Variants in PRDM5 observed in about 807,000 individuals in gnomAD.
PRDM5 encodes PR domain zinc finger protein 5.
Under a neutral mutation model 81.2 loss-of-function variants are expected in PRDM5, and 56 were observed. The ratio of observed to expected loss-of-function variants is 0.69; its 90% CI spans 0.56 to 0.86. PRDM5 has a LOEUF of 0.86. Ranked by LOEUF, PRDM5 falls within the 40% of genes least tolerant of loss-of-function variation. PRDM5 has a pLI of 0.00. For synonymous variants in PRDM5, 267 were observed against 256.4 expected (o/e 1.04, Z -0.39); for missense variants, 697 against 770.1 (o/e 0.91, Z 1.12).
chr4:120,808,388 T>C (rs1017468134), intron 8 of PRDM5, among the ~76,000 whole-genome samples: 2 of 152,122 alleles, frequency 1.3e-5, no homozygotes, highest in South Asian at 2.1e-4. Flanking sequence ...AGAGTGTTGA[T>C]TGGTGCATTC....
intron 15 of PRDM5, among the ~76,000 whole-genome samples, chr4:120,698,910 T>C (rs949686958): frequency 6.6e-6 from 1 of 152,040 alleles, no homozygotes; most frequent in Non-Finnish European, 1.5e-5. Flanking sequence ...AGTGCTTCTC[T>C]TTCACTAAGA....
At chr4:120,899,149 T>A (rs1764972796) in intron 2 of PRDM5, among the ~76,000 whole-genome samples, 1 of 152,138 alleles carries the variant, frequency 6.6e-6, no homozygotes, top group African/African-American at 2.4e-5. Context: ...ACTGAGACCC[T>A]GATAGTCATT....
chr4:120,859,275 A>G (rs1054413332), intron 2 of PRDM5, among the ~76,000 whole-genome samples: 1 of 151,376 alleles, frequency 6.6e-6, no homozygotes, highest in South Asian at 2.1e-4. Context: ...GCACAGCACC[A>G]TCATGGCTCA....
intron 12 of PRDM5, among the ~76,000 whole-genome samples, chr4:120,777,685 G>T (rs1187027900): frequency 6.6e-6 from 1 of 152,098 alleles, no homozygotes; most frequent in African/African-American, 2.4e-5. Flanking sequence ...CTTGAGGACA[G>T]AATTAATCTT....
At chr4:120,825,569 G>C (rs1755858425) in intron 3 of PRDM5, among the ~76,000 whole-genome samples, 1 of 152,016 alleles carries the variant, frequency 6.6e-6, no homozygotes, top group African/African-American at 2.4e-5. Context: ...ACTTCCCACT[G>C]CCTCCACTAC....
At chr4:120,882,898 A>C (rs1443716646) in intron 2 of PRDM5, among the ~76,000 whole-genome samples, 1 of 152,260 alleles carries the variant, frequency 6.6e-6, no homozygotes, top group Non-Finnish European at 1.5e-5. Context: ...GTAAACTAAA[A>C]TGTAGTCCTA....
intron 14 of PRDM5, among the ~76,000 whole-genome samples, chr4:120,745,354 C>T (rs1011609802): frequency 1.7e-5 from 2 of 118,134 alleles, no homozygotes; most frequent in Non-Finnish European, 3.4e-5. Context: ...TGGAAGCATT[C>T]CCTTTGAAAA....
Position 120,760,092 on chromosome 4 carries a change from C to T in PRDM5, c.1538-5454G>A, listed in dbSNP as rs1005106730. Among the ~76,000 whole-genome samples, 4 of 152,210 alleles carry T rather than the reference C, an allele frequency of 2.6e-5. No homozygotes were observed. In the East Asian group the frequency reaches 5.8e-4, roughly 22 times the overall value. On this transcript the variant is annotated intron_variant, in intron 13 of 15. Coordinates refer to ENST00000264808, the MANE Select transcript of PRDM5 (RefSeq NM_018699.4). Reference sequence around the variant, plus strand: ...ACATAGCTTCTCATATAGTGGAGGCCGAGTTTGAACCCACTCTTAACCTCA... The same window carrying T: ...ACATAGCTTCTCATATAGTGGAGGCTGAGTTTGAACCCACTCTTAACCTCA...
chr4:120,741,788 G>A (rs961648182), intron 14 of PRDM5, among the ~76,000 whole-genome samples: 1 of 152,236 alleles, frequency 6.6e-6, no homozygotes, highest in Middle Eastern at 3.4e-3. Flanking sequence ...ACCCCACGGA[G>A]TCTCGCTGAT....
At chr4:120,742,327 G>A (rs1425931064) in intron 14 of PRDM5, among the ~76,000 whole-genome samples, 1 of 152,130 alleles carries the variant, frequency 6.6e-6, no homozygotes, top group Non-Finnish European at 1.5e-5. Context: ...CAAAGATGGG[G>A]AAAAAACAGA....
chr4:120,785,018 C>T lies in PRDM5; in HGVS notation c.1262G>A (p.Arg421Lys). 1.2e-6 allele frequency: 2 copies of T among 1,605,170 alleles called. No homozygotes were observed. Among genetic ancestry groups the T allele is most frequent in the Non-Finnish European group, 1.7e-6 (2 of 1,172,084 alleles). Residue 421 changes from arginine (R) to lysine (K), a missense_variant, in exon 11 of 16, where the codon AGA (arginine) becomes AAA (lysine). Physicochemically the swap from Arg to Lys is conservative, Grantham distance 26 (BLOSUM62 2). Transcript: ENST00000264808. Reference sequence around the variant, plus strand: ...CTTACTGTTATGTATTAGCAGGTGTCTCTGTAAAGAAAATGGGGTCCGGAA... The same window carrying T: ...CTTACTGTTATGTATTAGCAGGTGTTTCTGTAAAGAAAATGGGGTCCGGAA... ...ALFRTPFSLQ[R>K]HLLIHNSERT...
chr4:120,720,892 G>C (rs1474709958), intron 14 of PRDM5, among the ~76,000 whole-genome samples: 1 of 152,116 alleles, frequency 6.6e-6, no homozygotes, highest in African/African-American at 2.4e-5. Context: ...TATAAATTAG[G>C]AAAATGAATT....
chr4:120,785,200 C>A, intron 10 of PRDM5, 109 bp from the exon 11 acceptor site: 1 of 838,994 alleles, frequency 1.2e-6, no homozygotes, highest in African/African-American at 1.7e-5. Flanking sequence ...GGAAGGTGGA[C>A]AGTATCTGTT....
chr4:120,821,401 G>T, intron 3 of PRDM5, 56 bp from the exon 4 acceptor site: 1 of 1,505,924 alleles, frequency 6.6e-7, no homozygotes. Context: ...TAGTAATTAA[G>T]AAATAATTTT....
At chr4:120,701,148 CAA>C (rs140302851) in intron 15 of PRDM5, among the ~76,000 whole-genome samples, 2,105 of 138,524 alleles carry the variant, frequency 0.015, 47 homozygotes, top group African/African-American at 0.054. Flanking sequence ...AAAAAACAAA[CAA>C]AAAAAAAAGA....
chr4:120,760,082 T>C (rs1745379707), intron 13 of PRDM5, among the ~76,000 whole-genome samples: 2 of 152,224 alleles, frequency 1.3e-5, no homozygotes, highest in Admixed American at 1.3e-4. Context: ...GCTTCTCATA[T>C]AGTGGAGGCC....
intron 14 of PRDM5, among the ~76,000 whole-genome samples, chr4:120,741,085 C>T (rs1053991756): frequency 1.3e-5 from 2 of 152,106 alleles, no homozygotes; most frequent in South Asian, 2.1e-4. Flanking sequence ...CCTCCCAATC[C>T]GATTCAACCA....
At chr4:120,899,039 CT>C (rs1180062543) in intron 2 of PRDM5, among the ~76,000 whole-genome samples, 1 of 152,106 alleles carries the variant, frequency 6.6e-6, no homozygotes, top group African/African-American at 2.4e-5. Context: ...CCTTATTCTC[CT>C]TTTTCATATT....
chr4:120,794,627 T>C (rs1291397249), intron 10 of PRDM5, among the ~76,000 whole-genome samples: 1 of 131,418 alleles, frequency 7.6e-6, no homozygotes, highest in Non-Finnish European at 1.7e-5. Context: ...TATATTCTAC[T>C]TTTTTTTTTT....
Sources: gnomAD v4.1 joint callset for allele counts (sites outside exome capture counted in the v4.1 genomes callset) on GRCh38, gnomAD v4.1.1 for gene constraint, MANE v1.5 for transcripts, NCBI Gene and HGNC (gene_info 2026-07-23, HGNC 2026-07-21) for gene names.